The following CDH12 variants were observed in gnomAD, a reference collection of about 807,000 sequenced individuals.
CDH12 encodes the protein cadherin-12.
CDH12 carries 41 observed loss-of-function variants against 74.1 expected under a neutral mutation model. The observed-to-expected ratio is 0.55, with a 90% CI of 0.43 to 0.72. The LOEUF (loss-of-function observed/expected upper bound fraction) is 0.72, where lower values mean the gene tolerates loss of function less well. CDH12 is among the 30% of genes least tolerant of loss of function. The pLI is 0.00. For synonymous variants in CDH12, 399 were observed against 355.0 expected (o/e 1.12, Z -1.39); for missense variants, 945 against 977.2 (o/e 0.97, Z 0.44).
chr5:22,268,372 T>C (rs1396609038), intron 3 of CDH12, among the ~76,000 whole-genome samples: 1 of 152,132 alleles, frequency 6.6e-6, no homozygotes, highest in Non-Finnish European at 1.5e-5. Flanking sequence ...TGTAAAATAT[T>C]GAATCCTGGA....
chr5:22,754,980 C>T (rs1043324013), intron 1 of CDH12, among the ~76,000 whole-genome samples: 2 of 152,136 alleles, frequency 1.3e-5, no homozygotes, highest in Non-Finnish European at 2.9e-5. Flanking sequence ...CTCACAGTCT[C>T]TAACCCATAT....
At chr5:22,789,347 A>G (rs1160128496) in intron 1 of CDH12, among the ~76,000 whole-genome samples, 1 of 152,072 alleles carries the variant, frequency 6.6e-6, no homozygotes, top group Non-Finnish European at 1.5e-5. Flanking sequence ...TGACATAATA[A>G]AGAACAAAAA....
intron 1 of CDH12, among the ~76,000 whole-genome samples, chr5:22,742,876 C>G (rs1461479316): frequency 2.0e-5 from 3 of 151,860 alleles, no homozygotes; most frequent in East Asian, 3.9e-4. Context: ...GATAGTTGGT[C>G]AAACATTAAT....
intron 1 of CDH12, among the ~76,000 whole-genome samples, chr5:22,719,258 G>C (rs1411986235): frequency 2.0e-5 from 3 of 152,120 alleles, no homozygotes; most frequent in African/African-American, 4.8e-5. Context: ...TTGTTACAAA[G>C]TATAGTGCTA....
intron 1 of CDH12, among the ~76,000 whole-genome samples, chr5:22,844,956 C>T (rs1229110673): frequency 2.0e-5 from 3 of 152,072 alleles, no homozygotes; most frequent in South Asian, 2.1e-4. Context: ...TCTCTGTTCT[C>T]TTCATATAAC....
At chr5:22,294,528 A>C (rs924863170) in intron 3 of CDH12, among the ~76,000 whole-genome samples, 1 of 152,194 alleles carries the variant, frequency 6.6e-6, no homozygotes, top group Non-Finnish European at 1.5e-5. Flanking sequence ...AGGTAAGTAC[A>C]TGCTCTTACA....
At position 21,965,651 on chromosome 5, in the gene CDH12, C is replaced by G. The variant is rs530013632; in HGVS notation, c.526+9440G>C. 7.9e-5 allele frequency among the ~76,000 whole-genome samples: 12 copies of G among 151,492 alleles called. No homozygotes were observed. The East Asian group carries it at 2.3e-3, about 30-fold the overall frequency. On this transcript the variant is annotated intron_variant, in intron 6 of 14. Coordinates refer to ENST00000382254, the MANE Select transcript of CDH12 (RefSeq NM_004061.5). Reference sequence around the variant, plus strand: ...TTCTTGGTCGGGAATGAAAATAGTGCCAACCTGTGATACCTTCACTCTAAT... The same window carrying G: ...TTCTTGGTCGGGAATGAAAATAGTGGCAACCTGTGATACCTTCACTCTAAT...
chr5:22,538,209 T>C (rs890621847), intron 1 of CDH12, among the ~76,000 whole-genome samples: 4 of 152,188 alleles, frequency 2.6e-5, no homozygotes, highest in Non-Finnish European at 4.4e-5. Flanking sequence ...CGTCACAGTC[T>C]AAAAATCCTC....
chr5:21,889,725 T>C, intron 6 of CDH12: 1 of 984,920 alleles, frequency 1.0e-6, no homozygotes, highest in Non-Finnish European at 1.2e-6. Flanking sequence ...CTCAAAACAA[T>C]ATATGGGGTT....
chr5:22,579,677 A>G (rs1739980043), intron 1 of CDH12, among the ~76,000 whole-genome samples: 1 of 152,096 alleles, frequency 6.6e-6, no homozygotes, highest in African/African-American at 2.4e-5. Flanking sequence ...TCCCTCTTAC[A>G]CAGAGACACA....
intron 4 of CDH12, among the ~76,000 whole-genome samples, chr5:22,179,993 A>C (rs1363496210): frequency 6.6e-6 from 1 of 152,226 alleles, no homozygotes; most frequent in Non-Finnish European, 1.5e-5. Flanking sequence ...TGGGAAGCCT[A>C]ACATGGAAGA....
intron 3 of CDH12, among the ~76,000 whole-genome samples, chr5:22,267,975 A>G (rs1003477155): frequency 6.6e-6 from 1 of 152,152 alleles, no homozygotes; most frequent in Non-Finnish European, 1.5e-5. Context: ...ACCCTTATAC[A>G]TAAAACCTTT....
At chr5:22,053,062 C>T (rs1740492487) in intron 5 of CDH12, among the ~76,000 whole-genome samples, 1 of 149,272 alleles carries the variant, frequency 6.7e-6, no homozygotes, top group Admixed American at 6.6e-5. Flanking sequence ...GAGGGTCTCT[C>T]GTTTTTTTTG....
chr5:22,624,260 T>C (rs900076342), intron 1 of CDH12, among the ~76,000 whole-genome samples: 1 of 152,170 alleles, frequency 6.6e-6, no homozygotes, highest in Non-Finnish European at 1.5e-5. Context: ...GGCAAGTATT[T>C]CATGTCTAAA....
chr5:22,551,388 C>G (rs1207968793), intron 1 of CDH12, among the ~76,000 whole-genome samples: 1 of 152,128 alleles, frequency 6.6e-6, no homozygotes, highest in East Asian at 1.9e-4. Context: ...TATTGCAACT[C>G]AAACAGCCTA....
intron 4 of CDH12, among the ~76,000 whole-genome samples, chr5:22,196,205 C>T (rs767112224): frequency 2.7e-5 from 4 of 148,572 alleles, no homozygotes; most frequent in Non-Finnish European, 5.9e-5. Context: ...AGTGCAGTGG[C>T]ATGATCTCGG....
At chr5:22,243,543 G>A (rs1275933170) in intron 3 of CDH12, among the ~76,000 whole-genome samples, 5 of 151,992 alleles carry the variant, frequency 3.3e-5, no homozygotes, top group Admixed American at 1.3e-4. Flanking sequence ...AAAGGTATGC[G>A]GAAACTTGAA....
chr5:22,334,288 T>A (rs1464923716), intron 3 of CDH12, among the ~76,000 whole-genome samples: 13 of 151,960 alleles, frequency 8.6e-5, no homozygotes, highest in Non-Finnish European at 1.8e-4. Context: ...TAATTTGAAA[T>A]TAACTTAATC....
chr5:22,827,919 C>G (rs929979197), intron 1 of CDH12, among the ~76,000 whole-genome samples: 1 of 151,986 alleles, frequency 6.6e-6, no homozygotes, highest in African/African-American at 2.4e-5. Context: ...TTGGGCTTAG[C>G]ATATTGTTAA....
Sources: allele counts gnomAD v4.1 joint callset (sites outside exome capture counted in the v4.1 genomes callset), GRCh38; gene constraint gnomAD v4.1.1; transcripts MANE v1.5; gene names NCBI Gene and HGNC (gene_info 2026-07-23, HGNC 2026-07-21).